Variants in NEK10 observed in about 807,000 individuals in gnomAD.
NEK10 encodes NIMA related kinase 10.
A neutral mutation model predicts 159.8 loss-of-function variants in NEK10; 122 were observed. The observed-to-expected ratio is 0.76, with a 90% CI of 0.66 to 0.89. The LOEUF (loss-of-function observed/expected upper bound fraction) is 0.89, where lower values mean the gene tolerates loss of function less well. Among genes scored for constraint, NEK10 ranks in the 40% least tolerant of loss-of-function variants. The pLI is 0.00. For synonymous variants in NEK10, 466 were observed against 457.1 expected, an observed-to-expected ratio of 1.02 and a Z score of -0.25; for missense variants, 1,342 against 1,323.1, an observed-to-expected ratio of 1.01 and a Z score of -0.22.
chr3:27,170,089 G>A (rs963584902), intron 29 of NEK10, among the ~76,000 whole-genome samples: 1 of 152,106 alleles, frequency 6.6e-6, no homozygotes, highest in African/African-American at 2.4e-5. Flanking sequence ...GCCCCACAAT[G>A]ACGTCTAAAG....
At chr3:27,247,166 T>C (rs997805783) in intron 23 of NEK10, among the ~76,000 whole-genome samples, 1 of 152,216 alleles carries the variant, frequency 6.6e-6, no homozygotes, top group Non-Finnish European at 1.5e-5. Context: ...CTATTTTGAA[T>C]AACAATGATG....
intron 11 of NEK10, among the ~76,000 whole-genome samples, chr3:27,305,614 T>TAA (rs760028989): frequency 4.5e-4 from 51 of 112,352 alleles, no homozygotes; most frequent in African/African-American, 2.0e-3. Context: ...TGCTAAAGAC[T>TAA]AAAAAAAAAA....
At chr3:27,139,816 A>C (rs1038721397) in intron 31 of NEK10, among the ~76,000 whole-genome samples, 1 of 152,184 alleles carries the variant, frequency 6.6e-6, no homozygotes, top group Non-Finnish European at 1.5e-5. Flanking sequence ...TGTGACTTGC[A>C]CACCCACTCC....
At chr3:27,321,533 C>T (rs1393224910) in intron 6 of NEK10, among the ~76,000 whole-genome samples, 1 of 152,262 alleles carries the variant, frequency 6.6e-6, no homozygotes, top group Non-Finnish European at 1.5e-5. Flanking sequence ...ATTAGCCGGA[C>T]ATGGTGGCAC....
At chr3:27,292,313 T>C (rs1315400975) in intron 16 of NEK10, among the ~76,000 whole-genome samples, 1 of 152,174 alleles carries the variant, frequency 6.6e-6, no homozygotes, top group Non-Finnish European at 1.5e-5. Flanking sequence ...GGGTGTTTTT[T>C]TGGGTGTGGA....
At chr3:27,166,770 G>A (rs576691148) in intron 29 of NEK10, among the ~76,000 whole-genome samples, 2 of 152,226 alleles carry the variant, frequency 1.3e-5, no homozygotes, top group South Asian at 2.1e-4. Context: ...GACCAGCCTG[G>A]TCAACATGGT....
chr3:27,142,978 A>T (rs1943931059), intron 30 of NEK10, among the ~76,000 whole-genome samples: 1 of 152,204 alleles, frequency 6.6e-6, no homozygotes, highest in African/African-American at 2.4e-5. Flanking sequence ...TTTTAATATG[A>T]ATTATTTGAT....
At position 27,185,502 on chromosome 3, in the gene NEK10, G is replaced by C. The variant is rs1015189520; in HGVS notation, c.2505+6527C>G. On this transcript the variant is annotated intron_variant, in intron 26 of 35. Transcript: ENST00000691995. ...TGGAGCTGAGGCATCTCTGAGATGA[G>C]GAAGAGATTCAGCCTGTGGAAAACA... 4.6e-5 allele frequency among the ~76,000 whole-genome samples: 7 copies of C among 152,292 alleles called. No individual in the cohort carries two copies. The South Asian group carries it at 1.2e-3, about 27-fold the overall frequency.
chr3:27,107,302 AT>A lies in NEK10; in HGVS notation c.*3969del, dbSNP rs1441571437. ...TCCCTCTTGCAAATCTCAAAACAAC[AT>A]CACAGCAGGACTATAATCAACCACA... On this transcript the variant is annotated 3_prime_UTR_variant, in exon 36 of 36. Transcript: ENST00000691995. Among the ~76,000 whole-genome samples, 24 of 152,296 alleles carry A rather than the reference AT, an allele frequency of 1.6e-4. No homozygotes were observed. The highest frequency in any genetic ancestry group is 1.5e-5 in the Non-Finnish European group (1 of 68,018).
At position 27,303,701 on chromosome 3, in the gene NEK10, C is replaced by T. The variant is rs188539970; in HGVS notation, c.1028+1046G>A. Among the ~76,000 whole-genome samples the T allele has an allele frequency of 2.9e-3, 447 of 152,328 alleles. 4 individuals are homozygous for T. Among genetic ancestry groups the T allele is most frequent in the African/African-American group, 9.1e-3 (378 of 41,580 alleles). The stretch of plus-strand genomic sequence containing the variant: ...ACTGTTCATGTCTGTACAGTCTATT[C>T]TTATGCTTCTGAATGTTCCTTAAGA... On this transcript the variant is annotated intron_variant, in intron 12 of 35. Coordinates refer to ENST00000691995, the MANE Select transcript of NEK10 (RefSeq NM_001394966.1).
At chr3:27,173,263 G>C (rs1451712921) in intron 28 of NEK10, among the ~76,000 whole-genome samples, 2 of 152,092 alleles carry the variant, frequency 1.3e-5, no homozygotes, top group African/African-American at 4.8e-5. Flanking sequence ...TCCTTGCCAA[G>C]TTACCATATG....
intron 30 of NEK10, among the ~76,000 whole-genome samples, chr3:27,158,138 C>T (rs1945675756): frequency 6.6e-6 from 1 of 152,108 alleles, no homozygotes; most frequent in Non-Finnish European, 1.5e-5. Flanking sequence ...CTGTGAGATA[C>T]ACCTATATCT....
Position 27,287,708 on chromosome 3 carries a change from T to C in NEK10, c.1779A>G (p.Thr593=). 2 of 1,567,760 alleles carry C rather than the reference T, an allele frequency of 1.3e-6. No homozygotes were observed. Among genetic ancestry groups the C allele is most frequent in the Non-Finnish European group, 1.7e-6 (2 of 1,162,314 alleles). Residue 593 remains threonine, a synonymous_variant, in exon 20 of 36, where the codon ACA becomes ACG. Transcript: ENST00000691995. The part of the protein sequence containing the change: ...YHPNIVRYYK[T]FLENDRLYIV... ...AAAACTCATACTTACTTTCCAGAAA[T>C]GTTTTGTAATAACGTACAATGTTGG...
rs116748193 is a variant in NEK10 at position 27,208,230 on chromosome 3, G to A, written c.2091-5673C>T. 4.2e-3 allele frequency among the ~76,000 whole-genome samples: 635 copies of A among 152,110 alleles called. 3 individuals carry two copies. Among genetic ancestry groups the A allele is most frequent in the African/African-American group, 0.014 (601 of 41,506 alleles). On this transcript the variant is annotated intron_variant, in intron 23 of 35. Transcript: ENST00000691995. ...GAAAAACCATGGGGATATAAATCTC[G>A]GTGCATTTTCTGGAAAAAGTGAGCA...
intron 23 of NEK10, among the ~76,000 whole-genome samples, chr3:27,240,457 A>G (rs1954421920): frequency 6.6e-6 from 1 of 151,194 alleles, no homozygotes; most frequent in East Asian, 1.9e-4. Context: ...CCAATAATAC[A>G]TAATTATACA....
intron 30 of NEK10, among the ~76,000 whole-genome samples, chr3:27,146,737 A>G (rs1944333089): frequency 6.6e-6 from 1 of 152,228 alleles, no homozygotes; most frequent in Non-Finnish European, 1.5e-5. Context: ...GCAAATTCAA[A>G]TGTTAATTTG....
chr3:27,220,915 A>G lies in NEK10; in HGVS notation c.2091-18358T>C, dbSNP rs571404865. Among the ~76,000 whole-genome samples the G allele has an allele frequency of 3.9e-5, 6 of 152,316 alleles. No individual in the cohort carries two copies. In the East Asian group the frequency reaches 1.2e-3, roughly 29 times the overall value. On this transcript the variant is annotated intron_variant, in intron 23 of 35. Transcript: ENST00000691995. ...TTTGACAATAATGACAAGAAAATTC[A>G]ATAGGAAAAGAAGTTATTTCAACAA... is the stretch of plus-strand genomic sequence containing the variant.
intron 13 of NEK10, 51 bp from the exon 14 acceptor site, chr3:27,297,291 C>G (rs1274437480): frequency 1.6e-6 from 2 of 1,215,192 alleles, no homozygotes; most frequent in Non-Finnish European, 2.4e-6. Context: ...AATAAATATA[C>G]TATCACATAA....
chr3:27,286,076 A>ATT (rs2042571286), intron 20 of NEK10, among the ~76,000 whole-genome samples: 17 of 96,200 alleles, frequency 1.8e-4, no homozygotes, highest in Non-Finnish European at 2.2e-4. Context: ...GCCATTTCCA[A>ATT]TTCTTTTTTT....
Sources: allele counts gnomAD v4.1 joint callset (sites outside exome capture counted in the v4.1 genomes callset), GRCh38; gene constraint gnomAD v4.1.1; transcripts MANE v1.5; gene names NCBI Gene and HGNC (gene_info 2026-07-23, HGNC 2026-07-21).